The following ANXA8 variants were observed in gnomAD, a reference collection of about 807,000 sequenced individuals.
ANXA8 encodes annexin A8.
A neutral mutation model predicts 26.8 loss-of-function variants in ANXA8; 9 were observed. The ratio of observed to expected loss-of-function variants is 0.34; its 90% CI spans 0.20 to 0.59. The LOEUF (loss-of-function observed/expected upper bound fraction) is 0.59, where lower values mean the gene tolerates loss of function less well. Among genes scored for constraint, ANXA8 ranks in the 20% least tolerant of loss-of-function variants. The pLI, the probability that ANXA8 is intolerant of heterozygous loss-of-function variation, is 0.84. For missense variants in ANXA8, 83 were observed against 238.5 expected (o/e 0.35, Z 4.29); for synonymous variants, 39 against 94.8 (o/e 0.41, Z 3.42).
At chr10:47,678,552 C>A in the ANXA8 span, among the ~76,000 whole-genome samples, 1 of 150,774 alleles carries the variant, frequency 6.6e-6, no homozygotes, top group African/African-American at 2.5e-5. Context: ...GCAGATTAGA[C>A]ACTGCGGAAA....
chr10:47,652,121 G>A, the ANXA8 span, among the ~76,000 whole-genome samples: 15 of 151,958 alleles, frequency 9.9e-5, no homozygotes, highest in Middle Eastern at 3.4e-3. Context: ...AGAGATCAAT[G>A]GTTTCTAGGA....
At chr10:47,960,201 A>G in the ANXA8 span, among the ~76,000 whole-genome samples, 2 of 147,576 alleles carry the variant, frequency 1.4e-5, no homozygotes, top group Non-Finnish European at 1.5e-5. Flanking sequence ...AATTATTTCA[A>G]AAACTGTTTA....
chr10:47,608,054 C>T, the ANXA8 span, among the ~76,000 whole-genome samples: 1 of 148,810 alleles, frequency 6.7e-6, no homozygotes, highest in African/African-American at 2.6e-5. Flanking sequence ...AGGTCTTTCT[C>T]ATACACTTAT....
chr10:47,579,122 TG>T, the ANXA8 span, among the ~76,000 whole-genome samples: 1 of 145,356 alleles, frequency 6.9e-6, no homozygotes, highest in Non-Finnish European at 1.5e-5. Context: ...GGTACAGCCA[TG>T]AGCCACTGCA....
chr10:47,671,035 T>C, the ANXA8 span, among the ~76,000 whole-genome samples: 1 of 151,844 alleles, frequency 6.6e-6, no homozygotes, highest in Admixed American at 6.6e-5. Context: ...GCTTCCAAAA[T>C]GTGGTCCCAG....
At chr10:47,565,994 A>G in the ANXA8 span, 2 of 1,411,476 alleles carry the variant, frequency 1.4e-6, no homozygotes, top group Non-Finnish European at 1.8e-6. Context: ...CTTCTCGGGC[A>G]GCGTGGAGGT....
chr10:47,982,827 T>TATATATATATATAA, the ANXA8 span, among the ~76,000 whole-genome samples: 15 of 70,748 alleles, frequency 2.1e-4, no homozygotes, highest in Non-Finnish European at 3.5e-4. Flanking sequence ...TATATATATA[T>TATATATATATATAA]ATATATAAAA....
the ANXA8 span, among the ~76,000 whole-genome samples, chr10:47,949,237 T>C: frequency 7.1e-6 from 1 of 141,162 alleles, no homozygotes; most frequent in Non-Finnish European, 1.5e-5. Flanking sequence ...CTAATCTGAT[T>C]ACACTTTAAG....
the ANXA8 span, among the ~76,000 whole-genome samples, chr10:47,637,328 C>T: frequency 4.7e-5 from 7 of 148,198 alleles, no homozygotes; most frequent in African/African-American, 2.6e-5. Context: ...TATCCAGTCT[C>T]GTTGTTATAA....
the ANXA8 span, among the ~76,000 whole-genome samples, chr10:47,717,688 A>C: frequency 7.0e-6 from 1 of 143,230 alleles, no homozygotes; most frequent in South Asian, 2.2e-4. Flanking sequence ...CATTCTTTTA[A>C]AATTATTGAA....
the ANXA8 span, among the ~76,000 whole-genome samples, chr10:47,612,128 G>T: frequency 1.4e-5 from 1 of 69,182 alleles, no homozygotes; most frequent in African/African-American, 4.5e-5. Flanking sequence ...GAGGTAGAGA[G>T]AAGGGCTGGA....
the ANXA8 span, among the ~76,000 whole-genome samples, chr10:47,559,142 C>CTTTTTTTTT: frequency 2.4e-3 from 175 of 73,312 alleles, 5 homozygotes; most frequent in African/African-American, 9.2e-3. Context: ...TGGAGTCTTA[C>CTTTTTTTTT]TTTTTTTTTT....
At chr10:47,679,896 A>G in the ANXA8 span, among the ~76,000 whole-genome samples, 1 of 152,012 alleles carries the variant, frequency 6.6e-6, no homozygotes, top group Admixed American at 6.6e-5. Flanking sequence ...CCAGCATGGG[A>G]GACAGAGCAA....
the ANXA8 span, among the ~76,000 whole-genome samples, chr10:47,685,121 C>T: frequency 4.7e-5 from 7 of 149,832 alleles, no homozygotes; most frequent in East Asian, 6.0e-4. Context: ...CTGAGGCGGG[C>T]GGATCAGCTG....
chr10:47,525,489 T>C, the ANXA8 span, among the ~76,000 whole-genome samples: 1 of 136,668 alleles, frequency 7.3e-6, no homozygotes. Flanking sequence ...TAACTGCCCC[T>C]GTGATCCAAT....
upstream of ANXA8, among the ~76,000 whole-genome samples, chr10:47,487,787 G>A (rs1169865584): frequency 1.4e-5 from 2 of 141,894 alleles, no homozygotes; most frequent in Non-Finnish European, 3.0e-5. Context: ...TTTTTTTTTG[G>A]CTATAGAAAA....
At chr10:47,940,214 C>G in the ANXA8 span, among the ~76,000 whole-genome samples, 1 of 149,662 alleles carries the variant, frequency 6.7e-6, no homozygotes, top group East Asian at 2.1e-4. Flanking sequence ...CATCTTTTCA[C>G]CTGGCTGTAA....
chr10:47,769,679 A>G, the ANXA8 span, among the ~76,000 whole-genome samples: 2 of 152,232 alleles, frequency 1.3e-5, no homozygotes, highest in Admixed American at 6.5e-5. Context: ...TTTCACTTCC[A>G]TAAAAAAATC....
chr10:47,684,557 T>C, the ANXA8 span, among the ~76,000 whole-genome samples: 1 of 151,892 alleles, frequency 6.6e-6, no homozygotes, highest in Non-Finnish European at 1.5e-5. Context: ...CAACATGAGT[T>C]TGTAAACTTT....
Sources: gnomAD v4.1 joint callset for allele counts (sites outside exome capture counted in the v4.1 genomes callset) on GRCh38, gnomAD v4.1.1 for gene constraint, MANE v1.5 for transcripts, NCBI Gene and HGNC (gene_info 2026-07-23, HGNC 2026-07-21) for gene names.